IL34: variants seen among roughly 807,000 people sequenced by gnomAD.
The protein encoded by IL34 is interleukin 34, also known as interleukin-34.
In IL34, 17 loss-of-function variants were observed where a neutral mutation model predicts 25.3. That is an observed-to-expected ratio of 0.67 (90% confidence interval 0.46 to 1.01). IL34 has a LOEUF of 1.01. Among genes scored for constraint, IL34 ranks in the 50% least tolerant of loss-of-function variants. IL34 has a pLI of 0.00. For missense variants in IL34, 368 were observed against 312.9 expected, an observed-to-expected ratio of 1.18 and a Z score of -1.33; for synonymous variants, 174 against 140.9, an observed-to-expected ratio of 1.23 and a Z score of -1.66.
chr16:70,618,568 C>T (rs1302584340), intron 1 of IL34, among the ~76,000 whole-genome samples: 3 of 152,296 alleles, frequency 2.0e-5, no homozygotes, highest in African/African-American at 7.2e-5. Flanking sequence ...GCAGCCGCTG[C>T]ACGCAGACAT....
chr16:70,641,619 G>A (rs940491188), upstream of IL34, among the ~76,000 whole-genome samples: 2 of 149,434 alleles, frequency 1.3e-5, no homozygotes, highest in African/African-American at 4.9e-5. Context: ...AGGCTGGAGT[G>A]CAGTGGCATG....
intron 1 of IL34, among the ~76,000 whole-genome samples, chr16:70,647,756 G>A (rs1285125448): frequency 1.3e-5 from 2 of 152,208 alleles, no homozygotes; most frequent in African/African-American, 2.4e-5. Flanking sequence ...ATGAGCCTGC[G>A]AGGGATTGAA....
chr16:70,639,494 C>T (rs1267703914), intron 1 of IL34, among the ~76,000 whole-genome samples: 1 of 152,204 alleles, frequency 6.6e-6, no homozygotes, highest in Non-Finnish European at 1.5e-5. Flanking sequence ...CAATTAGCAG[C>T]CCTCAGTGAA....
At chr16:70,647,622 C>T (rs1348608071) in intron 1 of IL34, among the ~76,000 whole-genome samples, 3 of 152,288 alleles carry the variant, frequency 2.0e-5, no homozygotes, top group East Asian at 1.9e-4. Context: ...CACATTTTTC[C>T]GGTGCCTCCC....
chr16:70,651,996 G>T (rs184499610), intron 1 of IL34, among the ~76,000 whole-genome samples: 1 of 151,892 alleles, frequency 6.6e-6, no homozygotes, highest in Non-Finnish European at 1.5e-5. Context: ...ATGTGGTGGC[G>T]CACACCTTGT....
chr16:70,658,506 G>A (rs771027122), intron 4 of IL34, among the ~76,000 whole-genome samples: 11 of 150,870 alleles, frequency 7.3e-5, no homozygotes, highest in Non-Finnish European at 1.0e-4. Context: ...TTTTTGAGGC[G>A]GAGTCTCACT....
chr16:70,657,751 G>C (rs1476240102), intron 4 of IL34, among the ~76,000 whole-genome samples: 2 of 151,984 alleles, frequency 1.3e-5, no homozygotes, highest in Non-Finnish European at 2.9e-5. Flanking sequence ...CTCCAGCTTG[G>C]GCAACAAGAA....
At chr16:70,604,962 CA>C (rs1273034675) in intron 1 of IL34, among the ~76,000 whole-genome samples, 1 of 152,044 alleles carries the variant, frequency 6.6e-6, no homozygotes, top group Non-Finnish European at 1.5e-5. Context: ...CTGTGTGTGT[CA>C]GGGGTGGTTC....
At chr16:70,649,592 C>A (rs182378673) in intron 1 of IL34, among the ~76,000 whole-genome samples, 8 of 152,214 alleles carry the variant, frequency 5.3e-5, no homozygotes, top group African/African-American at 1.2e-4. Flanking sequence ...AGGTCACACT[C>A]GGGTTCGGGT....
At chr16:70,639,971 C>T (rs1020549913) in intron 1 of IL34, among the ~76,000 whole-genome samples, 1 of 151,442 alleles carries the variant, frequency 6.6e-6, no homozygotes, top group Non-Finnish European at 1.5e-5. Context: ...AAAAAAAAGA[C>T]AGAGGAACAT....
At chr16:70,645,244 G>GT (rs142732941), upstream of IL34, among the ~76,000 whole-genome samples, 876 of 152,278 alleles carry the variant, frequency 5.8e-3, 10 homozygotes, top group East Asian at 0.054. Flanking sequence ...GAGATTCAGG[G>GT]TGACTGCATA....
intron 1 of IL34, among the ~76,000 whole-genome samples, chr16:70,591,800 G>A (rs958413144): frequency 5.3e-5 from 8 of 152,198 alleles, no homozygotes; most frequent in African/African-American, 1.4e-4. Context: ...GATCAGAGAG[G>A]TTAAGTCATG....
At chr16:70,646,533 CCTT>C (rs1035298328), upstream of IL34, 1 of 204,156 alleles carries the variant, frequency 4.9e-6, no homozygotes, top group African/African-American at 2.3e-5. Flanking sequence ...TTTCTCTCCT[CCTT>C]TCTCTTCCTA....
chr16:70,642,813 A>C (rs934189381), upstream of IL34, among the ~76,000 whole-genome samples: 1 of 152,234 alleles, frequency 6.6e-6, no homozygotes. Context: ...GAAGCCAGAC[A>C]TGAAAGGTCC....
chr16:70,584,327 C>T (rs1042256891), intron 1 of IL34, among the ~76,000 whole-genome samples: 2 of 152,172 alleles, frequency 1.3e-5, no homozygotes, highest in African/African-American at 4.8e-5. Context: ...TGGACAGCTC[C>T]GTCTGTGCAT....
intron 1 of IL34, among the ~76,000 whole-genome samples, chr16:70,585,421 G>A (rs1208723043): frequency 2.0e-5 from 3 of 152,098 alleles, no homozygotes; most frequent in Admixed American, 6.5e-5. Context: ...GGCTGGGCGC[G>A]GTGGCTCACG....
At position 70,654,593 on chromosome 16, in the gene IL34, C is replaced by T. The variant is rs780381781; in HGVS notation, c.84C>T (p.Pro28=). The change falls in exon 2 of 6, where the codon CCC becomes CCT. Residue 28 remains proline, a synonymous_variant. Transcript: ENST00000288098. The part of the protein sequence containing the change: ...ALGNEPLEMW[P]LTQNEECTVT... ...GGAATGAGCCTTTGGAGATGTGGCC[C>T]TTGACGCAGAATGAGGAGTGCACTG... The T allele has an allele frequency of 2.2e-5, 36 of 1,613,548 alleles. No individual in the cohort carries two copies. Among genetic ancestry groups the T allele is most frequent in the Non-Finnish European group, 3.1e-5 (36 of 1,179,728 alleles).
chr16:70,619,601 G>A lies in IL34; in HGVS notation c.-400-26947G>A, dbSNP rs1331782121. On this transcript the variant is annotated intron_variant, in intron 1 of 6. Transcript: ENST00000429149. ...AACAGGCCCTTGAAAAGAAGGTAAT[G>A]TGGAGTGGGTAGCCTCCGTATTGAT... Among the ~76,000 whole-genome samples the A allele has an allele frequency of 5.3e-5, 8 of 151,510 alleles. No homozygotes were observed. The East Asian group carries it at 1.2e-3, about 22-fold the overall frequency.
intron 1 of IL34, among the ~76,000 whole-genome samples, chr16:70,589,394 C>A (rs1158272941): frequency 1.3e-5 from 2 of 152,072 alleles, no homozygotes; most frequent in East Asian, 3.9e-4. Context: ...CTCCTCCCAC[C>A]CTCCACCTTC....
Sources: gnomAD v4.1 joint callset for allele counts (sites outside exome capture counted in the v4.1 genomes callset) on GRCh38, gnomAD v4.1.1 for gene constraint, MANE v1.5 for transcripts, NCBI Gene and HGNC (gene_info 2026-07-23, HGNC 2026-07-21) for gene names.